PCCA: variants seen among roughly 807,000 people sequenced by gnomAD.
The protein encoded by PCCA is propionyl-CoA carboxylase alpha chain, mitochondrial.
A neutral mutation model predicts 101.3 loss-of-function variants in PCCA; 74 were observed. That is an observed-to-expected ratio of 0.73 (90% CI 0.61 to 0.89). The LOEUF is 0.89. Ranked by LOEUF, PCCA falls within the 40% of genes least tolerant of loss-of-function variation. The probability of loss-of-function intolerance (pLI) is 0.00; values close to 1 mark genes in which losing one functional copy is unlikely to be tolerated. For missense variants in PCCA, 891 were observed against 907.0 expected, an observed-to-expected ratio of 0.98 and a Z score of 0.23; for synonymous variants, 294 against 313.6, an observed-to-expected ratio of 0.94 and a Z score of 0.66.
At chr13:100,121,541 C>T (rs529873938) in intron 4 of PCCA, among the ~76,000 whole-genome samples, 129 of 148,700 alleles carry the variant, frequency 8.7e-4, no homozygotes, top group African/African-American at 3.2e-3. Context: ...ATGGTGCGAT[C>T]TTGGCTCACT....
chr13:100,213,948 T>C lies in PCCA; in HGVS notation c.600+4485T>C, dbSNP rs149172561. On this transcript the variant is annotated intron_variant, in intron 7 of 23. Transcript: ENST00000376285. ...GGGTCTAGTTTTGTTCTTCTGCATCTGGTTATCCGGTTCTCCGAGCACCAT... is the reference window on the plus strand; with the variant it reads ...GGGTCTAGTTTTGTTCTTCTGCATCCGGTTATCCGGTTCTCCGAGCACCAT... Among the ~76,000 whole-genome samples the C allele has an allele frequency of 1.8e-3, 272 of 152,340 alleles. 2 individuals carry two copies. Among genetic ancestry groups the C allele is most frequent in the African/African-American group, 6.2e-3 (259 of 41,592 alleles).
chr13:100,170,343 T>A (rs1021498828), intron 6 of PCCA, among the ~76,000 whole-genome samples: 3 of 152,230 alleles, frequency 2.0e-5, no homozygotes, highest in Non-Finnish European at 1.5e-5. Flanking sequence ...CTCTGTTACA[T>A]GTAGTTAATG....
intron 7 of PCCA, among the ~76,000 whole-genome samples, chr13:100,234,735 A>T (rs576234938): frequency 1.3e-5 from 2 of 151,246 alleles, no homozygotes; most frequent in Admixed American, 1.3e-4. Context: ...TGGTTGCTCT[A>T]CATTTTAAAC....
At chr13:100,307,089 T>C (rs2066509009) in intron 14 of PCCA, 103 bp from the exon 15 acceptor site, 1 of 776,900 alleles carries the variant, frequency 1.3e-6, no homozygotes, top group Non-Finnish European at 2.2e-6. Flanking sequence ...TTATTTGAGA[T>C]TGAAATTCTC....
At chr13:100,107,172 C>T (rs2047880010) in intron 2 of PCCA, among the ~76,000 whole-genome samples, 1 of 152,198 alleles carries the variant, frequency 6.6e-6, no homozygotes, top group East Asian at 1.9e-4. Context: ...CACATTTTAT[C>T]AGTGACTTAC....
chr13:100,412,076 A>G (rs975772320), intron 19 of PCCA, among the ~76,000 whole-genome samples: 5 of 152,228 alleles, frequency 3.3e-5, no homozygotes, highest in African/African-American at 1.2e-4. Context: ...TAGAATTTGA[A>G]TAGAGTTTGT....
intron 10 of PCCA, among the ~76,000 whole-genome samples, chr13:100,265,723 T>A (rs571970878): frequency 6.6e-6 from 1 of 152,168 alleles, no homozygotes; most frequent in East Asian, 1.9e-4. Flanking sequence ...TCTCCCTCCC[T>A]CCTTCGCTCC....
At chr13:100,204,140 T>TG (rs2058709740) in intron 6 of PCCA, among the ~76,000 whole-genome samples, 1 of 152,014 alleles carries the variant, frequency 6.6e-6, no homozygotes, top group Admixed American at 6.6e-5. Flanking sequence ...GGCTTTTTTT[T>TG]TTTTTTCGAG....
At chr13:100,161,268 C>A (rs1279596119) in intron 6 of PCCA, 2 of 152,114 alleles carry the variant, frequency 1.3e-5, no homozygotes, top group Non-Finnish European at 2.9e-5. Context: ...TTTCAGACCT[C>A]CCCCGGCCCC....
At chr13:100,113,441 T>C (rs2048508347) in intron 4 of PCCA, among the ~76,000 whole-genome samples, 1 of 152,082 alleles carries the variant, frequency 6.6e-6, no homozygotes, top group Non-Finnish European at 1.5e-5. Flanking sequence ...TACTATAGAC[T>C]TCATAAACAC....
intron 10 of PCCA, among the ~76,000 whole-genome samples, chr13:100,267,983 C>T (rs1209679733): frequency 6.6e-6 from 1 of 152,098 alleles, no homozygotes; most frequent in African/African-American, 2.4e-5. Context: ...TTTCAGATTT[C>T]AGATTTTTTT....
At chr13:100,307,985 A>T (rs2066596737) in intron 15 of PCCA, among the ~76,000 whole-genome samples, 1 of 151,998 alleles carries the variant, frequency 6.6e-6, no homozygotes, top group African/African-American at 2.4e-5. Flanking sequence ...CAGCCTCCTG[A>T]GTAGCTGGGT....
chr13:100,507,824 T>C (rs1481597638), intron 21 of PCCA, among the ~76,000 whole-genome samples: 2 of 151,948 alleles, frequency 1.3e-5, no homozygotes, highest in Non-Finnish European at 2.9e-5. Context: ...GCCTGGCTAA[T>C]TTTTTGGATT....
intron 6 of PCCA, among the ~76,000 whole-genome samples, chr13:100,175,196 A>AC (rs1201984385): frequency 6.6e-6 from 1 of 152,132 alleles, no homozygotes; most frequent in Non-Finnish European, 1.5e-5. Flanking sequence ...GTCCCTGGTG[A>AC]GTTTTAGATC....
At chr13:100,326,246 G>A (rs1204811470) in intron 16 of PCCA, among the ~76,000 whole-genome samples, 1 of 152,118 alleles carries the variant, frequency 6.6e-6, no homozygotes, top group Non-Finnish European at 1.5e-5. Flanking sequence ...GGGTTTTAAG[G>A]TACGGATCTT....
At chr13:100,159,332 G>A (rs575371555) in intron 6 of PCCA, among the ~76,000 whole-genome samples, 4 of 151,856 alleles carry the variant, frequency 2.6e-5, no homozygotes, top group South Asian at 4.2e-4. Context: ...GTCGTGATCC[G>A]CCCACCTCAG....
chr13:100,313,618 A>G (rs2067106692), intron 16 of PCCA, among the ~76,000 whole-genome samples: 1 of 152,156 alleles, frequency 6.6e-6, no homozygotes, highest in Admixed American at 6.5e-5. Flanking sequence ...TGTTAGTTTT[A>G]CAAATGCAGT....
chr13:100,378,285 G>A (rs78154431), intron 19 of PCCA, among the ~76,000 whole-genome samples: 1 of 152,180 alleles, frequency 6.6e-6, no homozygotes, highest in Non-Finnish European at 1.5e-5. Context: ...TGTGGTTTCT[G>A]CTAAGATGTC....
At chr13:100,226,141 A>G (rs901639940) in intron 7 of PCCA, among the ~76,000 whole-genome samples, 3 of 152,170 alleles carry the variant, frequency 2.0e-5, no homozygotes, top group Non-Finnish European at 4.4e-5. Flanking sequence ...CCTGACTTTG[A>G]GTTAACTGGA....
Sources: allele counts gnomAD v4.1 joint callset (sites outside exome capture counted in the v4.1 genomes callset), GRCh38; gene constraint gnomAD v4.1.1; transcripts MANE v1.5; gene names NCBI Gene and HGNC (gene_info 2026-07-23, HGNC 2026-07-21).